PMM2: variants seen among roughly 807,000 people sequenced by gnomAD.
PMM2 encodes the protein mannose-6-phosphate isomerase.
A neutral mutation model predicts 33.2 loss-of-function variants in PMM2; 35 were observed. The ratio of observed to expected loss-of-function variants is 1.06; its 90% CI spans 0.81 to 1.40. PMM2 has a LOEUF of 1.40. Ranked by LOEUF, PMM2 falls within the 40% of genes most tolerant of loss-of-function variation. The probability of loss-of-function intolerance (pLI) is 0.00; values close to 1 mark genes in which losing one functional copy is unlikely to be tolerated. For missense variants in PMM2, 386 were observed against 306.0 expected (o/e 1.26, Z -1.95); for synonymous variants, 153 against 114.7 (o/e 1.33, Z -2.13).
At chr16:8,836,451 A>G (rs533949860) in intron 7 of PMM2, among the ~76,000 whole-genome samples, 111 of 152,088 alleles carry the variant, frequency 7.3e-4, no homozygotes, top group African/African-American at 2.5e-3. Context: ...TCCTTGGCCC[A>G]GTGGCCAGAT....
chr16:8,841,898 A>G (rs368925782), intron 7 of PMM2, among the ~76,000 whole-genome samples: 3 of 150,508 alleles, frequency 2.0e-5, no homozygotes, highest in Non-Finnish European at 4.4e-5. Context: ...AAGTATATGC[A>G]TCAGGTATGA....
At chr16:8,838,411 C>T (rs1037909232) in intron 7 of PMM2, among the ~76,000 whole-genome samples, 5 of 151,890 alleles carry the variant, frequency 3.3e-5, no homozygotes, top group African/African-American at 1.2e-4. Flanking sequence ...TTCCTGCCTT[C>T]TTATGTTAAT....
At chr16:8,826,980 C>A (rs2060771957) in intron 7 of PMM2, among the ~76,000 whole-genome samples, 1 of 152,102 alleles carries the variant, frequency 6.6e-6, no homozygotes, top group Admixed American at 6.5e-5. Context: ...ATCATCCTTA[C>A]CAAAAATACA....
chr16:8,824,234 T>G (rs946328575), intron 7 of PMM2, among the ~76,000 whole-genome samples: 1 of 152,110 alleles, frequency 6.6e-6, no homozygotes, highest in Non-Finnish European at 1.5e-5. Context: ...ATCCTAGAAG[T>G]TTTTTTTCCT....
At chr16:8,804,620 A>G (rs2060635960) in intron 2 of PMM2, 147 bp from the exon 3 acceptor site, 6 of 668,848 alleles carry the variant, frequency 9.0e-6, no homozygotes, top group South Asian at 8.6e-5. Flanking sequence ...TTTTTTCCAT[A>G]CTCTTCTCTT....
At chr16:8,805,787 A>C (rs1036191517) in intron 3 of PMM2, among the ~76,000 whole-genome samples, 4 of 151,946 alleles carry the variant, frequency 2.6e-5, no homozygotes, top group Admixed American at 2.6e-4. Context: ...GCAGGGTTTC[A>C]CCATGTTTGC....
At chr16:8,832,536 C>G (rs940007816) in intron 7 of PMM2, 3 of 985,420 alleles carry the variant, frequency 3.0e-6, no homozygotes, top group Non-Finnish European at 3.6e-6. Context: ...GAAGGGCAGG[C>G]CTAGCAACTG....
At chr16:8,806,728 A>C (rs1054610475) in intron 4 of PMM2, 1 of 383,658 alleles carries the variant, frequency 2.6e-6, no homozygotes, top group Admixed American at 4.0e-5. Flanking sequence ...CAACAGTACA[A>C]GAATGATTAC....
At chr16:8,800,664 C>T (rs1171678136) in intron 1 of PMM2, among the ~76,000 whole-genome samples, 2 of 46,866 alleles carry the variant, frequency 4.3e-5, no homozygotes, top group Non-Finnish European at 9.6e-5. Flanking sequence ...CTAAGCTTCT[C>T]CTTTTTTTTT....
intron 5 of PMM2, among the ~76,000 whole-genome samples, chr16:8,811,423 G>A (rs771968298): frequency 2.6e-4 from 39 of 152,276 alleles, no homozygotes; most frequent in Middle Eastern, 3.4e-3. Context: ...GTTTGGCTGA[G>A]GTAAGAGGAT....
At chr16:8,836,138 C>T (rs2141041911) in intron 7 of PMM2, among the ~76,000 whole-genome samples, 1 of 148,560 alleles carries the variant, frequency 6.7e-6, no homozygotes, top group East Asian at 2.0e-4. Flanking sequence ...GGGAAACAGG[C>T]CCTTGAAAAG....
chr16:8,814,284 T>A (rs1320816659), intron 7 of PMM2, among the ~76,000 whole-genome samples: 2 of 152,222 alleles, frequency 1.3e-5, no homozygotes, highest in East Asian at 3.9e-4. Context: ...CCCAGCCCCA[T>A]CACCTTTTCA....
At position 8,801,931 on chromosome 16, in the gene PMM2, T is replaced by G. The variant is rs149626737; in HGVS notation, c.178+21T>G. 5.1e-4 allele frequency: 729 copies of G among 1,442,054 alleles called. 3 individuals carry two copies. The African/African-American group carries it at 7.6e-3, about 15-fold the overall frequency. The allele number at this position is 1,442,054 out of a possible 1,614,324, so 89.3% of individuals were successfully genotyped here. The stretch of plus-strand genomic sequence containing the variant: ...TGATGGTAAATGATGGGTTGCTAAT[T>G]ACATCTGGTAAAAGATTAACTTCTT... On this transcript the variant is annotated intron_variant, in intron 2 of 7. Coordinates refer to ENST00000268261, the MANE Select transcript of PMM2 (RefSeq NM_000303.3).
intron 7 of PMM2, among the ~76,000 whole-genome samples, chr16:8,829,814 A>G (rs945348828): frequency 5.9e-5 from 9 of 152,320 alleles, no homozygotes; most frequent in African/African-American, 2.2e-4. Flanking sequence ...CAATTCCCTT[A>G]GACATCTCCT....
At chr16:8,835,941 C>T (rs920816774) in intron 7 of PMM2, among the ~76,000 whole-genome samples, 3 of 151,656 alleles carry the variant, frequency 2.0e-5, no homozygotes, top group Non-Finnish European at 4.4e-5. Flanking sequence ...TGAGATGTAG[C>T]TGTAGTTCAG....
At chr16:8,799,793 G>A (rs142913660) in intron 1 of PMM2, among the ~76,000 whole-genome samples, 232 of 151,954 alleles carry the variant, frequency 1.5e-3, no homozygotes, top group African/African-American at 5.2e-3. Context: ...TGATCCACCC[G>A]CCTCGGCCTC....
At chr16:8,836,428 G>T (rs994791958) in intron 7 of PMM2, among the ~76,000 whole-genome samples, 8 of 151,950 alleles carry the variant, frequency 5.3e-5, no homozygotes. Flanking sequence ...GAGGAATCCC[G>T]GGCTGTGGGC....
intron 1 of PMM2, among the ~76,000 whole-genome samples, chr16:8,798,168 A>G (rs1036779761): frequency 1.3e-5 from 2 of 152,224 alleles, no homozygotes; most frequent in African/African-American, 4.8e-5. Flanking sequence ...GGGGCTGAAG[A>G]ACTCTTAAGA....
At chr16:8,836,231 G>C (rs1256145081) in intron 7 of PMM2, among the ~76,000 whole-genome samples, 1 of 151,864 alleles carries the variant, frequency 6.6e-6, no homozygotes, top group South Asian at 2.1e-4. Flanking sequence ...CCCGATGCTC[G>C]GCGTCCGTGA....
Sources: gnomAD v4.1 joint callset for allele counts (sites outside exome capture counted in the v4.1 genomes callset) on GRCh38, gnomAD v4.1.1 for gene constraint, MANE v1.5 for transcripts, NCBI Gene and HGNC (gene_info 2026-07-23, HGNC 2026-07-21) for gene names.